RPTOR: variants seen among roughly 807,000 people sequenced by gnomAD.
The protein encoded by RPTOR is regulatory-associated protein of mTOR.
Under a neutral mutation model 169.9 loss-of-function variants are expected in RPTOR, and 21 were observed. That is an observed-to-expected ratio of 0.12 (90% CI 0.09 to 0.18). The LOEUF (loss-of-function observed/expected upper bound fraction) is 0.18. RPTOR is among the 10% of genes least tolerant of loss of function. RPTOR has a pLI of 1.00. For missense variants in RPTOR, 1,133 were observed against 1,855.9 expected, an observed-to-expected ratio of 0.61 and a Z score of 7.16; for synonymous variants, 732 against 753.2, an observed-to-expected ratio of 0.97 and a Z score of 0.46.
chr17:80,671,838 G>A (rs577305801), intron 3 of RPTOR, among the ~76,000 whole-genome samples: 4 of 152,218 alleles, frequency 2.6e-5, no homozygotes, highest in African/African-American at 9.6e-5. Context: ...TGGTGTGCGT[G>A]GTGTTCTTTG....
chr17:80,923,724 C>T (rs766583069), intron 23 of RPTOR, 51 bp downstream of exon 23: 11 of 1,489,678 alleles, frequency 7.4e-6, no homozygotes, highest in East Asian at 2.4e-5. Flanking sequence ...CGTTGCTTCT[C>T]AGATGGGGGC....
chr17:80,686,588 G>A (rs2065949875), intron 3 of RPTOR, among the ~76,000 whole-genome samples: 1 of 152,018 alleles, frequency 6.6e-6, no homozygotes, highest in South Asian at 2.1e-4. Context: ...ATTCTCTCTT[G>A]AAACACTTCT....
intron 1 of RPTOR, among the ~76,000 whole-genome samples, chr17:80,617,034 A>C (rs1203152627): frequency 6.6e-6 from 1 of 152,170 alleles, no homozygotes; most frequent in African/African-American, 2.4e-5. Context: ...CCATGAAAAA[A>C]ATTTTTGACT....
intron 6 of RPTOR, among the ~76,000 whole-genome samples, chr17:80,777,973 C>T (rs578255547): frequency 8.5e-5 from 13 of 152,222 alleles, no homozygotes; most frequent in African/African-American, 2.4e-4. Flanking sequence ...AGCGAGCATC[C>T]GTGGCTGGGG....
intron 6 of RPTOR, among the ~76,000 whole-genome samples, chr17:80,780,199 T>G (rs1236450844): frequency 6.6e-6 from 1 of 152,148 alleles, no homozygotes; most frequent in Admixed American, 6.5e-5. Flanking sequence ...AATTGATAAA[T>G]GTCGCAATCA....
chr17:80,575,420 T>G (rs905890938), intron 1 of RPTOR, among the ~76,000 whole-genome samples: 1 of 152,244 alleles, frequency 6.6e-6, no homozygotes, highest in African/African-American at 2.4e-5. Flanking sequence ...TATTTTTGAT[T>G]TCTTAATTGC....
At chr17:80,580,697 G>A (rs1333498017) in intron 1 of RPTOR, among the ~76,000 whole-genome samples, 3 of 152,196 alleles carry the variant, frequency 2.0e-5, no homozygotes, top group South Asian at 4.2e-4. Context: ...ATCACAGTTC[G>A]CTGTAGCCTC....
At chr17:80,893,294 G>A (rs947730437) in intron 19 of RPTOR, among the ~76,000 whole-genome samples, 5 of 147,630 alleles carry the variant, frequency 3.4e-5, no homozygotes, top group East Asian at 2.0e-4. Context: ...GTGTGTGTGC[G>A]CCGGGTGTGT....
rs1264452177 is a variant in RPTOR at position 80,893,331 on chromosome 17, AGGTGTGTGTG to A, written c.2243-375_2243-366del. ...TGTGCGCCAGGTGTGTGCGCGCGCC[AGGTGTGTGTG>A]CGCCAGGGTGTGTGTGTGCTGGGTG... On this transcript the variant is annotated intron_variant, in intron 19 of 33. Transcript: ENST00000306801. 7.2e-3 allele frequency among the ~76,000 whole-genome samples: 781 copies of A among 108,642 alleles called. 13 individuals carry two copies. The highest frequency in any genetic ancestry group is 0.029 in the African/African-American group (742 of 25,260). The allele number at this position is 108,642 out of a possible 152,430, so 71.3% of individuals were successfully genotyped here. A position where few individuals can be genotyped will look rare whatever the true frequency, so the allele number is the denominator to read the frequency against.
In RPTOR at chr17:80,762,908, G is replaced by T. The variant is rs528261095; in HGVS notation, c.830+8723G>T. On this transcript the variant is annotated intron_variant, in intron 6 of 33. Transcript: ENST00000306801. ...TTAGTAAATAGAAAGTGTGAGATAC[G>T]ATGGCTAAAATGTTTTGAAATAAAG... Among the ~76,000 whole-genome samples, 3 of 152,258 alleles carry T rather than the reference G, an allele frequency of 2.0e-5. No homozygotes were observed. The South Asian group carries it at 6.2e-4, about 32-fold the overall frequency.
intron 1 of RPTOR, among the ~76,000 whole-genome samples, chr17:80,567,903 A>G (rs1015804344): frequency 6.6e-6 from 1 of 151,492 alleles, no homozygotes; most frequent in Non-Finnish European, 1.5e-5. Flanking sequence ...ATTTCTATTT[A>G]TTTTTTCTTT....
At chr17:80,551,474 G>A (rs12939163) in intron 1 of RPTOR, among the ~76,000 whole-genome samples, 135,789 of 151,862 alleles carry the variant, frequency 0.89, 61,612 homozygotes, top group East Asian at 1. Context: ...ACGTGAACAA[G>A]GGTCTTTGCA....
chr17:80,715,691 C>A lies in RPTOR; in HGVS notation c.507+7692C>A, dbSNP rs2066233966. Among the ~76,000 whole-genome samples, 3 of 134,908 alleles carry A rather than the reference C, an allele frequency of 2.2e-5. 1 individual carries two copies. In the South Asian group the frequency reaches 7.3e-4, roughly 33 times the overall value. 88.5% of individuals were successfully genotyped at this position (134,908 alleles called of 152,430 possible). The stretch of plus-strand genomic sequence containing the variant: ...TGGTAATTTGTGAGATTTTGCTGCA[C>A]CCTTGTAGTCTTTTATCCCTCGCCC... On this transcript the variant is annotated intron_variant, in intron 4 of 33. Coordinates refer to ENST00000306801, the MANE Select transcript of RPTOR (RefSeq NM_020761.3).
intron 13 of RPTOR, among the ~76,000 whole-genome samples, chr17:80,879,618 C>T (rs1428553804): frequency 1.3e-5 from 2 of 152,308 alleles, no homozygotes; most frequent in East Asian, 3.9e-4. Context: ...CCTATGGTGC[C>T]TCTCGCTGCT....
intron 1 of RPTOR, among the ~76,000 whole-genome samples, chr17:80,552,176 A>G (rs1047168399): frequency 2.0e-5 from 3 of 152,188 alleles, no homozygotes; most frequent in African/African-American, 4.8e-5. Context: ...TTTTCCCCAC[A>G]AAAGTGTGAA....
intron 27 of RPTOR, 124 bp from the exon 28 acceptor site, chr17:80,949,319 G>A: frequency 2.5e-6 from 2 of 811,810 alleles, no homozygotes; most frequent in Non-Finnish European, 4.2e-6. Context: ...CGGGTAGTGA[G>A]TCAGGCTGGC....
In RPTOR at chr17:80,868,108, A is replaced by C. The variant is rs141888137; in HGVS notation, c.1509+10208A>C. Among the ~76,000 whole-genome samples, 18 of 152,344 alleles carry C rather than the reference A, an allele frequency of 1.2e-4. No homozygotes were observed. The East Asian group carries it at 3.3e-3, about 28-fold the overall frequency. On this transcript the variant is annotated intron_variant, in intron 13 of 33. Coordinates refer to ENST00000306801, the MANE Select transcript of RPTOR (RefSeq NM_020761.3). ...GTCAGGGAATAGACCCATACATATAAACACCTGCCCTATGATGACATGGAG... is the reference window on the plus strand; with the variant it reads ...GTCAGGGAATAGACCCATACATATACACACCTGCCCTATGATGACATGGAG...
At chr17:80,914,649 G>A (rs1004033836) in intron 21 of RPTOR, among the ~76,000 whole-genome samples, 5 of 152,186 alleles carry the variant, frequency 3.3e-5, no homozygotes, top group African/African-American at 9.7e-5. Context: ...CTGTGCACAC[G>A]CTCGGGGCAG....
chr17:80,572,189 C>A (rs1026806665), intron 1 of RPTOR, among the ~76,000 whole-genome samples: 5 of 152,126 alleles, frequency 3.3e-5, no homozygotes, highest in Non-Finnish European at 7.4e-5. Flanking sequence ...CCTTGACCTC[C>A]CACGGTCAGG....
Sources: gnomAD v4.1 joint callset for allele counts (sites outside exome capture counted in the v4.1 genomes callset) on GRCh38, gnomAD v4.1.1 for gene constraint, MANE v1.5 for transcripts, NCBI Gene and HGNC (gene_info 2026-07-23, HGNC 2026-07-21) for gene names.